The following ZNF69 variants were observed in gnomAD, a reference collection of about 807,000 sequenced individuals.
ZNF69 encodes ZNF3.
In ZNF69, 47 loss-of-function variants were observed where a neutral mutation model predicts 50.9. The observed-to-expected ratio is 0.92, with a 90% CI of 0.73 to 1.18. The LOEUF is 1.18. Among genes scored for constraint, ZNF69 ranks in the 50% most tolerant of loss-of-function variants. The pLI, the probability that ZNF69 is intolerant of heterozygous loss-of-function variation, is 0.00. For missense variants in ZNF69, 717 were observed against 675.1 expected, an observed-to-expected ratio of 1.06 and a Z score of -0.69; for synonymous variants, 216 against 223.1, an observed-to-expected ratio of 0.97 and a Z score of 0.29.
the ZNF69 span, chr19:11,979,270 C>A: frequency 1.2e-6 from 2 of 1,613,062 alleles, no homozygotes; most frequent in South Asian, 1.1e-5. Context: ...TGGAGAGAAA[C>A]CCTATGAGTG....
the ZNF69 span, among the ~76,000 whole-genome samples, chr19:11,938,536 C>T: frequency 6.6e-6 from 1 of 152,194 alleles, no homozygotes; most frequent in East Asian, 1.9e-4. Flanking sequence ...TTTCCAGCTT[C>T]ATCCATGTCC....
At chr19:11,961,886 G>A in the ZNF69 span, 1 of 150,626 alleles carries the variant, frequency 6.6e-6, no homozygotes, top group Non-Finnish European at 1.5e-5. Context: ...CAAAGTGCTA[G>A]GATTATAGGC....
At position 11,887,920 on chromosome 19, in the gene ZNF69, C is replaced by T; in HGVS notation, c.-4C>T. 6.2e-7 allele frequency: 1 copy of T among 1,611,120 alleles called. No individual in the cohort carries two copies. The highest frequency in any genetic ancestry group is 8.5e-7 in the Non-Finnish European group (1 of 1,178,002). The stretch of plus-strand genomic sequence containing the variant: ...CAGGCTTCTGTCACTCTGTCACCTA[C>T]GCTATGCCCTGCTGTAGTCACAGGA... On this transcript the variant is annotated 5_prime_UTR_variant, in exon 1 of 4. In the 5' UTR this introduces an upstream ATG that the reference lacks. Transcript: ENST00000429654.
At position 11,893,502 on chromosome 19, in the gene ZNF69, G is replaced by A. The variant is rs548494119; in HGVS notation, c.63+5516G>A. 1.1e-4 allele frequency among the ~76,000 whole-genome samples: 17 copies of A among 152,208 alleles called. No individual in the cohort carries two copies. The East Asian group carries it at 1.5e-3, about 14-fold the overall frequency. On this transcript the variant is annotated intron_variant, in intron 1 of 3. Transcript: ENST00000429654. ...GTGAATAACCACTAGACATTTTCCC[G>A]AAAAATCCTTTCTGCCTCTCCTCCT... is the stretch of plus-strand genomic sequence containing the variant.
At chr19:11,907,923 G>A (rs370653920), downstream of ZNF69, among the ~76,000 whole-genome samples, 312 of 152,254 alleles carry the variant, frequency 2.0e-3, 1 homozygote, top group African/African-American at 6.5e-3. Context: ...GTATTCAGGA[G>A]ACCCATCTCA....
the ZNF69 span, among the ~76,000 whole-genome samples, chr19:11,975,730 A>G: frequency 6.6e-6 from 1 of 152,174 alleles, no homozygotes; most frequent in Non-Finnish European, 1.5e-5. Context: ...TTGTATGTGT[A>G]TGCTTACTAC....
chr19:11,950,784 A>G, the ZNF69 span: 1 of 182,642 alleles, frequency 5.5e-6, no homozygotes, highest in East Asian at 1.8e-4. Context: ...ATAATGTTAC[A>G]TTGTTATTAT....
chr19:11,958,333 T>G, the ZNF69 span, among the ~76,000 whole-genome samples: 1 of 152,192 alleles, frequency 6.6e-6, no homozygotes, highest in East Asian at 1.9e-4. Flanking sequence ...CCCCTAGGGC[T>G]TTGAGTGGCA....
downstream of ZNF69, among the ~76,000 whole-genome samples, chr19:11,916,096 C>A (rs1972519383): frequency 6.6e-6 from 1 of 152,116 alleles, no homozygotes; most frequent in South Asian, 2.1e-4. Context: ...TAGTTTTTGT[C>A]TTGGGGCTTT....
chr19:11,967,454 G>T, the ZNF69 span, among the ~76,000 whole-genome samples: 252 of 152,218 alleles, frequency 1.7e-3, no homozygotes, highest in Non-Finnish European at 3.0e-3. Context: ...GCCCAGGCTG[G>T]AGTGCAGTGG....
chr19:11,894,685 C>G (rs1364826209), intron 1 of ZNF69, among the ~76,000 whole-genome samples: 8 of 152,124 alleles, frequency 5.3e-5, no homozygotes, highest in Non-Finnish European at 1.2e-4. Context: ...CAGCTGAATG[C>G]CTTACGATGG....
At chr19:11,890,094 A>G (rs529088404) in intron 1 of ZNF69, among the ~76,000 whole-genome samples, 4 of 152,310 alleles carry the variant, frequency 2.6e-5, no homozygotes, top group African/African-American at 9.6e-5. Context: ...GAGACATTCC[A>G]TTCCCCGGAA....
At chr19:11,891,427 A>AGAAGGAAGGAAGGAAGAAAAAG (rs968159793) in intron 1 of ZNF69, among the ~76,000 whole-genome samples, 3 of 151,240 alleles carry the variant, frequency 2.0e-5, no homozygotes, top group African/African-American at 4.9e-5. Flanking sequence ...GAAGGAAGGA[A>AGAAGGAAGGAAGGAAGAAAAAG]GAAGGAAGGA....
At chr19:11,911,643 A>G (rs1972459781), downstream of ZNF69, among the ~76,000 whole-genome samples, 1 of 152,122 alleles carries the variant, frequency 6.6e-6, no homozygotes, top group South Asian at 2.1e-4. Context: ...GGACACAGGG[A>G]GGGAAACATC....
At chr19:11,895,983 G>C (rs566432066) in intron 1 of ZNF69, among the ~76,000 whole-genome samples, 1 of 152,202 alleles carries the variant, frequency 6.6e-6, no homozygotes, top group Admixed American at 6.5e-5. Context: ...ACTTTGGGAG[G>C]CTGAGGCGGG....
At chr19:11,901,178 T>C (rs1972235992) in intron 1 of ZNF69, among the ~76,000 whole-genome samples, 1 of 152,200 alleles carries the variant, frequency 6.6e-6, no homozygotes, top group African/African-American at 2.4e-5. Context: ...GCCTCTGGGT[T>C]TGCATTTTTA....
chr19:11,910,703 TA>T (rs1178530176), downstream of ZNF69, among the ~76,000 whole-genome samples: 7 of 152,128 alleles, frequency 4.6e-5, no homozygotes, highest in Admixed American at 3.3e-4. Context: ...ATGTTAGACC[TA>T]AAACCATAAA....
intron 3 of ZNF69, 61 bp from the exon 4 acceptor site, chr19:11,904,588 T>C (rs1972320222): frequency 2.5e-6 from 4 of 1,570,902 alleles, no homozygotes; most frequent in Middle Eastern, 3.7e-4. Flanking sequence ...TCAGTACTTG[T>C]TGATTAATAT....
downstream of ZNF69, among the ~76,000 whole-genome samples, chr19:11,917,437 T>C (rs1452814599): frequency 2.0e-5 from 3 of 152,198 alleles, no homozygotes; most frequent in African/African-American, 7.2e-5. Flanking sequence ...ACACACTACC[T>C]AGGAGTGGGC....
Sources: gnomAD v4.1 joint callset for allele counts (sites outside exome capture counted in the v4.1 genomes callset) on GRCh38, gnomAD v4.1.1 for gene constraint, MANE v1.5 for transcripts, NCBI Gene and HGNC (gene_info 2026-07-23, HGNC 2026-07-21) for gene names.